Variants in CLIC4 observed in about 807,000 individuals in gnomAD.
CLIC4 encodes the protein CLIC family member 4, also known as chloride intracellular channel protein 4.
A neutral mutation model predicts 24.6 loss-of-function variants in CLIC4; 13 were observed. The ratio of observed to expected loss-of-function variants is 0.53; its 90% CI spans 0.34 to 0.84. CLIC4 has a LOEUF of 0.84. Ranked by LOEUF, CLIC4 falls within the 40% of genes least tolerant of loss-of-function variation. CLIC4 has a pLI of 0.01. For synonymous variants in CLIC4, 104 were observed against 111.3 expected (o/e 0.93, Z 0.41); for missense variants, 227 against 301.7 (o/e 0.75, Z 1.83).
rs572988110 is a variant in CLIC4, at chr1:24,826,736, A to G, written c.309-274A>G. 9.2e-5 allele frequency among the ~76,000 whole-genome samples: 14 copies of G among 152,290 alleles called. No homozygotes were observed. The South Asian group carries it at 1.5e-3, about 16-fold the overall frequency. ...CTGGCAGAAATCTCTGAACAAGTCA[A>G]CTGTTTCCCCAGCATTCTAATTTAT... On this transcript the variant is annotated intron_variant, in intron 3 of 5. Coordinates refer to ENST00000374379, the MANE Select transcript of CLIC4 (RefSeq NM_013943.3).
chr1:24,759,624 ACT>A (rs1328385731), intron 1 of CLIC4, among the ~76,000 whole-genome samples: 1 of 151,996 alleles, frequency 6.6e-6, no homozygotes, highest in Non-Finnish European at 1.5e-5. Flanking sequence ...AGTATTACTG[ACT>A]CTATTACACT....
At chr1:24,793,025 C>A (rs558057909) in intron 1 of CLIC4, among the ~76,000 whole-genome samples, 112 of 152,240 alleles carry the variant, frequency 7.4e-4, no homozygotes, top group Non-Finnish European at 1.2e-3. Context: ...TTTATTATGT[C>A]TCGTTTACCA....
At position 24,758,539 on chromosome 1, in the gene CLIC4, C is replaced by T. The variant is rs141172857; in HGVS notation, c.72+12914C>T. Among the ~76,000 whole-genome samples the T allele has an allele frequency of 8.4e-4, 128 of 152,150 alleles. 2 individuals carry two copies. In the East Asian group the frequency reaches 0.022, roughly 26 times the overall value. Reference sequence around the variant, plus strand: ...CTGGTGCGATCTCGGCTCACTGCAACCTCCACCTCCTGGTTCAAGTGATTC... The same window carrying T: ...CTGGTGCGATCTCGGCTCACTGCAATCTCCACCTCCTGGTTCAAGTGATTC... On this transcript the variant is annotated intron_variant, in intron 1 of 5. Transcript: ENST00000374379.
In CLIC4 at chr1:24,843,257, T is replaced by TA. The variant is rs1010159906; in HGVS notation, c.*2325dup. The TA allele has an allele frequency of 6.6e-6, 1 of 152,188 alleles. No individual in the cohort carries two copies. The highest frequency in any genetic ancestry group is 1.5e-5 in the Non-Finnish European group (1 of 68,008). 9.4% of individuals were successfully genotyped at this position (152,188 alleles called of 1,614,324 possible). A position where few individuals can be genotyped will look rare whatever the true frequency, so the allele number is the denominator to read the frequency against. The stretch of plus-strand genomic sequence containing the variant: ...TGGTAAATGGACAAAAGCTAGCTAG[T>TA]AAAAAGGACGACCCAGCAACATGCT... On this transcript the variant is annotated 3_prime_UTR_variant, in exon 6 of 6. Coordinates refer to ENST00000374379, the MANE Select transcript of CLIC4 (RefSeq NM_013943.3).
At chr1:24,759,099 T>C (rs1039683796) in intron 1 of CLIC4, among the ~76,000 whole-genome samples, 7 of 152,184 alleles carry the variant, frequency 4.6e-5, no homozygotes, top group African/African-American at 1.7e-4. Context: ...GATTAAATGG[T>C]TTGAAGGTAG....
At chr1:24,807,987 G>C (rs1469806927) in intron 2 of CLIC4, among the ~76,000 whole-genome samples, 1 of 141,722 alleles carries the variant, frequency 7.1e-6, no homozygotes, top group Non-Finnish European at 1.5e-5. Flanking sequence ...TTTTGCTCTT[G>C]TTGCCCAGGC....
At chr1:24,797,607 C>T (rs1035294043) in intron 1 of CLIC4, 135 bp from the exon 2 acceptor site, 5 of 530,450 alleles carry the variant, frequency 9.4e-6, no homozygotes, top group Admixed American at 7.8e-5. Context: ...TAATAAAGAC[C>T]CAAATTTCTA....
intron 1 of CLIC4, among the ~76,000 whole-genome samples, chr1:24,793,541 T>C (rs1386388733): frequency 6.6e-6 from 1 of 152,228 alleles, no homozygotes; most frequent in Admixed American, 6.5e-5. Context: ...GGGGTCTTCA[T>C]TTTAAATGTT....
chr1:24,759,237 G>T (rs555379064), intron 1 of CLIC4, among the ~76,000 whole-genome samples: 1 of 152,274 alleles, frequency 6.6e-6, no homozygotes, highest in South Asian at 2.1e-4. Context: ...AGTATAATAA[G>T]AAACCAGTCT....
chr1:24,768,630 C>A (rs1006770055), intron 1 of CLIC4, among the ~76,000 whole-genome samples: 1 of 151,990 alleles, frequency 6.6e-6, no homozygotes, highest in Admixed American at 6.6e-5. Context: ...ATTAACATGT[C>A]GGCCGGGTGC....
At chr1:24,821,803 C>G (rs1042296010) in intron 3 of CLIC4, among the ~76,000 whole-genome samples, 20 of 152,148 alleles carry the variant, frequency 1.3e-4, no homozygotes, top group Admixed American at 1.3e-3. Flanking sequence ...AAGCTGTGGC[C>G]TTGAACTCCT....
intron 1 of CLIC4, among the ~76,000 whole-genome samples, chr1:24,756,914 A>G (rs1638859462): frequency 7.2e-6 from 1 of 139,712 alleles, no homozygotes; most frequent in Non-Finnish European, 1.5e-5. Flanking sequence ...TTTTTTTTTG[A>G]GACGGAGTTT....
chr1:24,827,411 C>A (rs762158102), intron 4 of CLIC4, among the ~76,000 whole-genome samples: 3 of 152,126 alleles, frequency 2.0e-5, no homozygotes, highest in Admixed American at 1.3e-4. Context: ...GGGAGCTAGG[C>A]AAAGAATTAA....
intron 1 of CLIC4, among the ~76,000 whole-genome samples, chr1:24,774,540 T>C (rs189138016): frequency 1.3e-5 from 2 of 152,280 alleles, no homozygotes; most frequent in African/African-American, 4.8e-5. Flanking sequence ...ATGCCTGTAA[T>C]CTCAGCACTT....
chr1:24,763,409 G>T (rs944261099), intron 1 of CLIC4, among the ~76,000 whole-genome samples: 1 of 151,554 alleles, frequency 6.6e-6, no homozygotes, highest in South Asian at 2.1e-4. Flanking sequence ...GCGTTGTGGC[G>T]CATGCTTGTA....
intron 1 of CLIC4, among the ~76,000 whole-genome samples, chr1:24,762,931 A>C (rs1489232625): frequency 5.3e-5 from 8 of 152,196 alleles, no homozygotes; most frequent in Admixed American, 5.2e-4. Context: ...GATTTATTAG[A>C]GAAAGAAGTG....
At chr1:24,777,898 T>G (rs1402796300) in intron 1 of CLIC4, 1 of 152,254 alleles carries the variant, frequency 6.6e-6, no homozygotes, top group Non-Finnish European at 1.5e-5. Context: ...TTCACAAATT[T>G]GTGCGTCATT....
intron 4 of CLIC4, among the ~76,000 whole-genome samples, chr1:24,837,156 A>T (rs1448095240): frequency 2.6e-5 from 4 of 151,776 alleles, no homozygotes; most frequent in Non-Finnish European, 5.9e-5. Flanking sequence ...TCTAACAAAT[A>T]AAAAAAATGG....
intron 1 of CLIC4, among the ~76,000 whole-genome samples, chr1:24,778,204 C>G (rs539588969): frequency 6.6e-6 from 1 of 152,190 alleles, no homozygotes; most frequent in South Asian, 2.1e-4. Flanking sequence ...TAGTATGGAC[C>G]TTGGAGTTTA....
Sources: gnomAD v4.1 joint callset for allele counts (sites outside exome capture counted in the v4.1 genomes callset) on GRCh38, gnomAD v4.1.1 for gene constraint, MANE v1.5 for transcripts, NCBI Gene and HGNC (gene_info 2026-07-23, HGNC 2026-07-21) for gene names.